SLIT3: variants seen among roughly 807,000 people sequenced by gnomAD.
The protein encoded by SLIT3 is slit homolog 3 protein.
In SLIT3, 68 loss-of-function variants were observed where a neutral mutation model predicts 184.0. The observed-to-expected ratio is 0.37, with a 90% CI of 0.30 to 0.45. The LOEUF is 0.45. Ranked by LOEUF, SLIT3 falls within the 20% of genes least tolerant of loss-of-function variation. SLIT3 has a pLI of 1.00. For synonymous variants in SLIT3, 831 were observed against 828.6 expected (o/e 1.00, Z -0.05); for missense variants, 1,707 against 2,026.0 (o/e 0.84, Z 3.02).
chr5:168,670,044 G>A, intron 34 of SLIT3, 53 bp from the exon 35 acceptor site: 1 of 1,517,860 alleles, frequency 6.6e-7, no homozygotes, highest in Non-Finnish European at 9.1e-7. Flanking sequence ...TGGTGCTGCT[G>A]GGGACTCCCT....
rs1758389954 is a variant in SLIT3, at chr5:168,844,610, G to A, written c.531C>T (p.Phe177=). 2 of 1,614,090 alleles carry A rather than the reference G, an allele frequency of 1.2e-6. No homozygotes were observed. The highest frequency in any genetic ancestry group is 2.2e-5 in the South Asian group (2 of 91,094). ...GGATCTCCAAATCGCGCAGCGCTCG[G>A]AAGGCTCCATCTTCAATGCAGCTGA... The part of the protein sequence containing the change: ...NHISCIEDGA[F]RALRDLEILT... Residue 177 remains phenylalanine, a synonymous_variant, in exon 6 of 36, where the codon TTC becomes TTT. Transcript: ENST00000519560.
chr5:168,919,569 G>A (rs182561678), intron 4 of SLIT3, among the ~76,000 whole-genome samples: 5 of 151,950 alleles, frequency 3.3e-5, no homozygotes, highest in Non-Finnish European at 7.4e-5. Flanking sequence ...TTTAATAATG[G>A]CTACCTCTGT....
At chr5:169,280,705 G>T (rs1362039143) in intron 1 of SLIT3, among the ~76,000 whole-genome samples, 1 of 152,212 alleles carries the variant, frequency 6.6e-6, no homozygotes, top group Non-Finnish European at 1.5e-5. Context: ...AATGCAGGGA[G>T]ACTCTACCAG....
chr5:168,986,123 A>C (rs1354671240), intron 4 of SLIT3, among the ~76,000 whole-genome samples: 1 of 152,208 alleles, frequency 6.6e-6, no homozygotes, highest in African/African-American at 2.4e-5. Flanking sequence ...TTACAAAATC[A>C]GAATATGTAA....
At chr5:168,692,499 TGAGAGA>T in intron 29 of SLIT3, 102 bp downstream of exon 29, 1 of 661,710 alleles carries the variant, frequency 1.5e-6, no homozygotes, top group South Asian at 1.9e-5. Context: ...GAGAAGCACA[TGAGAGA>T]GAGAGAGAGC....
At chr5:169,175,705 C>A (rs888001854) in intron 4 of SLIT3, among the ~76,000 whole-genome samples, 1 of 152,176 alleles carries the variant, frequency 6.6e-6, no homozygotes, top group Non-Finnish European at 1.5e-5. Flanking sequence ...TCTGTTTTCA[C>A]CCTGAGATGT....
At chr5:168,727,289 T>C (rs797019894) in intron 20 of SLIT3, among the ~76,000 whole-genome samples, 36 of 151,914 alleles carry the variant, frequency 2.4e-4, no homozygotes, top group African/African-American at 8.0e-4. Flanking sequence ...CACTGCACTC[T>C]AGCCTGGGCA....
intron 4 of SLIT3, among the ~76,000 whole-genome samples, chr5:169,002,348 A>AG (rs1561600114): frequency 1.4e-5 from 2 of 147,430 alleles, no homozygotes; most frequent in Non-Finnish European, 3.0e-5. Flanking sequence ...AAAAAAAAAA[A>AG]AAAAAAAGAA....
At chr5:168,996,143 G>GA (rs1755501906) in intron 4 of SLIT3, among the ~76,000 whole-genome samples, 1 of 152,192 alleles carries the variant, frequency 6.6e-6, no homozygotes, top group African/African-American at 2.4e-5. Context: ...AGGGTGTGGG[G>GA]AGACTTCTGT....
intron 4 of SLIT3, among the ~76,000 whole-genome samples, chr5:168,945,273 ACT>A: frequency 6.7e-6 from 1 of 148,942 alleles, no homozygotes; most frequent in Non-Finnish European, 1.5e-5. Context: ...ACAAAGTCTC[ACT>A]CTGTTACCCA....
At chr5:169,141,599 C>T (rs57366683) in intron 4 of SLIT3, among the ~76,000 whole-genome samples, 9,319 of 151,434 alleles carry the variant, frequency 0.062, 604 homozygotes, top group East Asian at 0.35. Context: ...ATTAGCCAGG[C>T]GTGGTGGCGG....
At chr5:169,136,511 CA>C (rs1761506201) in intron 4 of SLIT3, among the ~76,000 whole-genome samples, 1 of 152,178 alleles carries the variant, frequency 6.6e-6, no homozygotes, top group Non-Finnish European at 1.5e-5. Context: ...GTCCCTTGAC[CA>C]ACCTTGCTCC....
rs79592598 is a variant in SLIT3, at chr5:169,049,839, G to T, written c.413+143640C>A. On this transcript the variant is annotated intron_variant, in intron 4 of 35. Coordinates refer to ENST00000519560, the MANE Select transcript of SLIT3 (RefSeq NM_003062.4). ...AATACAAGAGTTCTGTAGTTCCCAG[G>T]GTGGGTTTGTGGTATTGTTTTTATT... 6.4e-3 allele frequency among the ~76,000 whole-genome samples: 968 copies of T among 152,274 alleles called. 11 individuals carry two copies. The highest frequency in any genetic ancestry group is 0.022 in the African/African-American group (917 of 41,556).
chr5:168,795,606 T>G, intron 9 of SLIT3, 28 bp from the exon 10 acceptor site: 2 of 1,579,806 alleles, frequency 1.3e-6, no homozygotes. Context: ...GAAGAGTGAA[T>G]TAACCATCCA....
chr5:169,228,418 A>G (rs1268038695), intron 3 of SLIT3, among the ~76,000 whole-genome samples: 2 of 152,180 alleles, frequency 1.3e-5, no homozygotes, highest in Non-Finnish European at 2.9e-5. Flanking sequence ...ACTGGGTGAC[A>G]AGGAGTGACG....
chr5:168,730,625 C>T (rs1763265100), intron 20 of SLIT3, among the ~76,000 whole-genome samples: 1 of 151,684 alleles, frequency 6.6e-6, no homozygotes, highest in Non-Finnish European at 1.5e-5. Flanking sequence ...TCTTGAACAA[C>T]CACTGGGTCA....
chr5:168,765,438 A>G (rs565533947), intron 14 of SLIT3, among the ~76,000 whole-genome samples: 2 of 152,276 alleles, frequency 1.3e-5, no homozygotes, highest in African/African-American at 4.8e-5. Flanking sequence ...GATATTTTAT[A>G]CGAGTGGGAG....
intron 1 of SLIT3, among the ~76,000 whole-genome samples, chr5:169,291,560 C>T (rs938383226): frequency 3.3e-5 from 5 of 152,162 alleles, no homozygotes; most frequent in African/African-American, 7.2e-5. Context: ...TTAGTCTTCA[C>T]GCTCCAATAC....
intron 12 of SLIT3, among the ~76,000 whole-genome samples, chr5:168,780,692 G>A (rs1035022917): frequency 1.3e-5 from 2 of 152,158 alleles, no homozygotes; most frequent in Non-Finnish European, 2.9e-5. Flanking sequence ...CAAACCTTCC[G>A]CATTAATATG....
Sources: gnomAD v4.1 joint callset for allele counts (sites outside exome capture counted in the v4.1 genomes callset) on GRCh38, gnomAD v4.1.1 for gene constraint, MANE v1.5 for transcripts, NCBI Gene and HGNC (gene_info 2026-07-23, HGNC 2026-07-21) for gene names.